Variants in SYBU observed in about 807,000 individuals in gnomAD.
SYBU encodes GOLSYN A protein.
In SYBU, 21 loss-of-function variants were observed where a neutral mutation model predicts 35.9. The ratio of observed to expected loss-of-function variants is 0.58; its 90% CI spans 0.41 to 0.84. The LOEUF (loss-of-function observed/expected upper bound fraction) is 0.84. Ranked by LOEUF, SYBU falls within the 40% of genes least tolerant of loss-of-function variation. The pLI is 0.00. For missense variants in SYBU, 768 were observed against 848.2 expected, an observed-to-expected ratio of 0.91 and a Z score of 1.17; for synonymous variants, 319 against 324.3, an observed-to-expected ratio of 0.98 and a Z score of 0.18.
chr8:109,659,333 C>A (rs1563769380), intron 1 of SYBU, among the ~76,000 whole-genome samples: 1 of 152,184 alleles, frequency 6.6e-6, no homozygotes, highest in Non-Finnish European at 1.5e-5. Flanking sequence ...CAATATCAAA[C>A]AATTTGACAA....
intron 2 of SYBU, among the ~76,000 whole-genome samples, chr8:109,624,092 T>C (rs984016262): frequency 1.3e-5 from 2 of 152,088 alleles, no homozygotes; most frequent in African/African-American, 4.8e-5. Flanking sequence ...GGAGGCCCCA[T>C]TGGTCAACAA....
At chr8:109,610,694 T>A (rs1312657547) in intron 3 of SYBU, among the ~76,000 whole-genome samples, 1 of 152,210 alleles carries the variant, frequency 6.6e-6, no homozygotes, top group Admixed American at 6.5e-5. Context: ...CTGTAAATAA[T>A]CCTACAGTTC....
intron 1 of SYBU, among the ~76,000 whole-genome samples, chr8:109,686,375 C>T (rs148876975): frequency 2.6e-4 from 40 of 152,258 alleles, no homozygotes; most frequent in Admixed American, 8.5e-4. Flanking sequence ...ATAAAGTTTA[C>T]GCTTTCAAAC....
At chr8:109,637,499 G>T (rs1814356481) in intron 2 of SYBU, among the ~76,000 whole-genome samples, 1 of 152,124 alleles carries the variant, frequency 6.6e-6, no homozygotes, top group South Asian at 2.1e-4. Flanking sequence ...ACATGCTTCT[G>T]TGGTGAGGCT....
chr8:109,670,804 C>T (rs559133499), intron 1 of SYBU, among the ~76,000 whole-genome samples: 1 of 152,104 alleles, frequency 6.6e-6, no homozygotes, highest in Non-Finnish European at 1.5e-5. Context: ...TTCATTTCTT[C>T]CATTTATAAT....
chr8:109,602,469 C>T (rs1040549691), intron 3 of SYBU, among the ~76,000 whole-genome samples: 3 of 149,056 alleles, frequency 2.0e-5, no homozygotes, highest in Admixed American at 6.7e-5. Context: ...GTTTCACTCC[C>T]ATCGTCCAGG....
chr8:109,644,770 G>T lies in SYBU; in HGVS notation c.-111C>A, dbSNP rs1313333270. 5.3e-6 allele frequency: 6 copies of T among 1,125,512 alleles called. No individual in the cohort carries two copies. Among genetic ancestry groups the T allele is most frequent in the East Asian group, 6.6e-5 (2 of 30,266 alleles). 69.7% of individuals were successfully genotyped at this position (1,125,512 alleles called of 1,614,324 possible). ...TGAGCCGGCGCGGGCTGCGGGCGGC[G>T]GCTCTTGGTGAGGCTCCAACGCGCC... is the stretch of plus-strand genomic sequence containing the variant. On this transcript the variant is annotated 5_prime_UTR_variant, in exon 1 of 7. Transcript: ENST00000276646.
chr8:109,683,171 C>T (rs1461963606), upstream of SYBU, among the ~76,000 whole-genome samples: 1 of 152,212 alleles, frequency 6.6e-6, no homozygotes, highest in Non-Finnish European at 1.5e-5. Context: ...CCACTGTCCT[C>T]AGATCACAGA....
At chr8:109,639,145 G>A (rs1431291727) in intron 2 of SYBU, among the ~76,000 whole-genome samples, 3 of 152,160 alleles carry the variant, frequency 2.0e-5, no homozygotes, top group Non-Finnish European at 4.4e-5. Context: ...AAAATTATAA[G>A]AAAAACTTGA....
chr8:109,659,294 G>A (rs1586966811), intron 1 of SYBU, among the ~76,000 whole-genome samples: 1 of 152,140 alleles, frequency 6.6e-6, no homozygotes, highest in Non-Finnish European at 1.5e-5. Flanking sequence ...ATTAGCCAAA[G>A]GGAATTTCTG....
intron 1 of SYBU, among the ~76,000 whole-genome samples, chr8:109,678,057 C>T (rs573750651): frequency 4.5e-4 from 66 of 146,294 alleles, no homozygotes; most frequent in Admixed American, 3.2e-3. Context: ...TCACTTGAAC[C>T]CGGGAGGTGG....
At chr8:109,578,730 G>A (rs943938430) in intron 5 of SYBU, among the ~76,000 whole-genome samples, 7 of 152,178 alleles carry the variant, frequency 4.6e-5, no homozygotes, top group African/African-American at 1.7e-4. Context: ...GTGGGTGAGG[G>A]TCAGGGGATG....
At chr8:109,673,717 G>T (rs1308016811) in intron 1 of SYBU, among the ~76,000 whole-genome samples, 6 of 152,130 alleles carry the variant, frequency 3.9e-5, no homozygotes, top group Admixed American at 3.9e-4. Context: ...TCAGAAGGTG[G>T]GTAATGAGAA....
chr8:109,643,885 C>A (rs1285408053), intron 1 of SYBU, among the ~76,000 whole-genome samples: 3 of 152,318 alleles, frequency 2.0e-5, no homozygotes, highest in African/African-American at 7.2e-5. Flanking sequence ...AAATCCAGTG[C>A]TTTGCAGGGT....
chr8:109,576,623 A>G (rs937745287), intron 6 of SYBU, among the ~76,000 whole-genome samples: 1 of 152,192 alleles, frequency 6.6e-6, no homozygotes, highest in African/African-American at 2.4e-5. Flanking sequence ...TACACGTGGC[A>G]GGGACTTTAC....
At chr8:109,647,758 T>C (rs987049287), upstream of SYBU, 6 of 152,222 alleles carry the variant, frequency 3.9e-5, no homozygotes, top group African/African-American at 1.4e-4. Flanking sequence ...GCCTAAAAAA[T>C]CCAACATGTG....
chr8:109,619,100 C>A, intron 2 of SYBU, 61 bp from the exon 3 acceptor site: 2 of 1,339,624 alleles, frequency 1.5e-6, no homozygotes, highest in Non-Finnish European at 2.1e-6. Context: ...TGGTGAGAAG[C>A]CATGCGGTGC....
intron 2 of SYBU, among the ~76,000 whole-genome samples, chr8:109,639,439 T>C (rs925004792): frequency 2.8e-4 from 42 of 152,334 alleles, no homozygotes; most frequent in African/African-American, 9.6e-4. Context: ...GTTCTGAAAA[T>C]GTAATTTTCA....
intron 1 of SYBU, among the ~76,000 whole-genome samples, chr8:109,659,070 C>T (rs187016502): frequency 1.9e-3 from 294 of 152,268 alleles, no homozygotes; most frequent in African/African-American, 6.5e-3. Context: ...TCATGTAGAA[C>T]TTACATATCA....
Sources: allele counts gnomAD v4.1 joint callset (sites outside exome capture counted in the v4.1 genomes callset), GRCh38; gene constraint gnomAD v4.1.1; transcripts MANE v1.5; gene names NCBI Gene and HGNC (gene_info 2026-07-23, HGNC 2026-07-21).